The following REPS2 variants were observed in gnomAD, a reference collection of about 807,000 sequenced individuals.
The protein encoded by REPS2 is ralBP1-associated Eps domain-containing protein 2.
Under a neutral mutation model 53.6 loss-of-function variants are expected in REPS2, and 23 were observed. That is an observed-to-expected ratio of 0.43 (90% CI 0.31 to 0.61). REPS2 has a LOEUF of 0.61. REPS2 is among the 20% of genes least tolerant of loss of function. REPS2 has a pLI of 0.11. For missense variants in REPS2, 446 were observed against 534.9 expected (o/e 0.83, Z 1.64); for synonymous variants, 238 against 218.6 (o/e 1.09, Z -0.78).
At chrX:17,158,997 A>G in the REPS2 span, among the ~76,000 whole-genome samples, 3 of 112,536 alleles carry the variant, frequency 2.7e-5, no homozygotes, top group Non-Finnish European at 5.6e-5. Context: ...ACGGCTGGTT[A>G]TAGTGAGTTT....
At chrX:17,108,487 T>C (rs748708030) in intron 14 of REPS2, among the ~76,000 whole-genome samples, 1 of 111,727 alleles carries the variant, frequency 9.0e-6, no homozygotes, top group African/African-American at 3.3e-5. Context: ...GTGTTTATTC[T>C]GTAGGTCAGT....
Position 17,149,208 on chromosome X carries a change from T to G in REPS2, c.*1727T>G, listed in dbSNP as rs2063545535. The stretch of plus-strand genomic sequence containing the variant: ...GTGGGGGAAGGGTTGGGAGTAAGTT[T>G]AAACTCTTCCGAAGATTATGAATGG... On this transcript the variant is annotated 3_prime_UTR_variant, in exon 18 of 18. Transcript: ENST00000357277. 4.3e-6 allele frequency: 1 copy of G among 232,409 alleles called. No homozygotes were observed. Among genetic ancestry groups the G allele is most frequent in the Non-Finnish European group, 8.0e-6 (1 of 124,994 alleles). 19.2% of individuals were successfully genotyped at this position (232,409 alleles called of 1,213,427 possible). A position where few individuals can be genotyped will look rare whatever the true frequency, so the allele number is the denominator to read the frequency against.
chrX:17,125,780 G>T (rs921955370), intron 14 of REPS2, among the ~76,000 whole-genome samples: 1 of 112,921 alleles, frequency 8.9e-6, no homozygotes, highest in African/African-American at 3.2e-5. Context: ...GAGGGATTGT[G>T]TTGTGTGCCA....
chrX:17,116,001 C>G (rs939364604), intron 14 of REPS2, among the ~76,000 whole-genome samples: 62 of 111,117 alleles, frequency 5.6e-4, no homozygotes, highest in African/African-American at 1.9e-3. Context: ...GTTTTGATGG[C>G]GCTGCGATGG....
intron 14 of REPS2, among the ~76,000 whole-genome samples, chrX:17,109,283 C>G (rs933816116): frequency 1.8e-5 from 2 of 111,027 alleles, no homozygotes; most frequent in Non-Finnish European, 3.8e-5. Context: ...CGTGCTGAGG[C>G]CTGGAGCCCC....
chrX:17,023,322 GA>G (rs1470261234), intron 3 of REPS2, among the ~76,000 whole-genome samples: 62 of 110,606 alleles, frequency 5.6e-4, no homozygotes, highest in African/African-American at 1.9e-3. Context: ...CAGCTACTTG[GA>G]AGGCTGAGGC....
At chrX:17,087,992 G>A (rs746061042) in intron 13 of REPS2, among the ~76,000 whole-genome samples, 1 of 108,590 alleles carries the variant, frequency 9.2e-6, no homozygotes, top group South Asian at 4.0e-4. Context: ...AGATACATAA[G>A]ATAGATAGAT....
At chrX:16,953,904 C>T (rs1299334152) in intron 1 of REPS2, among the ~76,000 whole-genome samples, 1 of 111,593 alleles carries the variant, frequency 9.0e-6, no homozygotes, top group African/African-American at 3.3e-5. Flanking sequence ...CTTGAGCGTG[C>T]TAGGGGATGT....
chrX:17,036,229 G>A (rs1402549902), intron 5 of REPS2, among the ~76,000 whole-genome samples: 1 of 112,421 alleles, frequency 8.9e-6, no homozygotes, highest in Non-Finnish European at 1.9e-5. Flanking sequence ...CTGTTTTCTC[G>A]TACCTTTGTG....
the REPS2 span, among the ~76,000 whole-genome samples, chrX:17,163,217 C>T: frequency 0.15 from 16,903 of 110,613 alleles, 966 homozygotes; most frequent in Admixed American, 0.19. Flanking sequence ...TGAAAAGTAC[C>T]AGAGGGGAAA....
Position 17,098,558 on chromosome X carries a change from G to A in REPS2, c.1517-5160G>A, listed in dbSNP as rs184792779. On this transcript the variant is annotated intron_variant, in intron 13 of 17. Transcript: ENST00000357277. ...AGAACTGATGGATCTCATGACTCAA[G>A]ACAGAGCATTTTGGGTATCAGTTAC... is the stretch of plus-strand genomic sequence containing the variant. 9.0e-5 allele frequency among the ~76,000 whole-genome samples: 10 copies of A among 111,567 alleles called. No individual in the cohort carries two copies. The East Asian group carries it at 2.8e-3, about 31-fold the overall frequency.
At chrX:17,186,997 G>T in the REPS2 span, among the ~76,000 whole-genome samples, 1 of 111,398 alleles carries the variant, frequency 9.0e-6, no homozygotes, top group African/African-American at 3.3e-5. Context: ...CTACTCAGTT[G>T]ACAGGTGCAC....
rs1569083782 is a variant in REPS2, at chrX:16,951,552, CACA to C, written c.273+4419_273+4421del. Among the ~76,000 whole-genome samples the C allele has an allele frequency of 7.6e-4, 24 of 31,631 alleles. 1 individual carries two copies. The highest frequency in any genetic ancestry group is 2.2e-3 in the Admixed American group (5 of 2,257). The allele number at this position is 31,631 out of a possible 115,157, so 27.5% of individuals were successfully genotyped here. On this transcript the variant is annotated intron_variant, in intron 1 of 17. Transcript: ENST00000357277. ...ACACACACACACACACACACACACA[CACA>C]CACACCCCCGCTACCTACCTCTCTC... is the stretch of plus-strand genomic sequence containing the variant.
intron 1 of REPS2, among the ~76,000 whole-genome samples, chrX:16,974,035 C>T (rs921772259): frequency 5.4e-5 from 6 of 111,411 alleles, no homozygotes; most frequent in African/African-American, 1.3e-4. Flanking sequence ...AGTCAAGATA[C>T]GATTTTCCAG....
intron 8 of REPS2, among the ~76,000 whole-genome samples, chrX:17,056,464 C>T (rs374878730): frequency 5.4e-5 from 6 of 111,407 alleles, no homozygotes; most frequent in East Asian, 5.7e-4. Context: ...CCGAGGCGGG[C>T]GGATCATGAG....
intron 1 of REPS2, among the ~76,000 whole-genome samples, chrX:16,990,798 T>C (rs2061153897): frequency 9.0e-6 from 1 of 110,779 alleles, no homozygotes; most frequent in Non-Finnish European, 1.9e-5. Flanking sequence ...ACATAGGATC[T>C]CTGGGTATCA....
chrX:17,190,648 G>A, the REPS2 span, among the ~76,000 whole-genome samples: 6 of 112,007 alleles, frequency 5.4e-5, no homozygotes, highest in African/African-American at 1.9e-4. Context: ...ACATGGAAAA[G>A]GAAATGGACT....
At chrX:17,064,346 T>G (rs2062198739) in intron 9 of REPS2, among the ~76,000 whole-genome samples, 1 of 112,106 alleles carries the variant, frequency 8.9e-6, no homozygotes, top group South Asian at 3.7e-4. Flanking sequence ...TTCTTTCTAC[T>G]AGTCTTTTAA....
At chrX:17,143,274 T>A (rs2063470710) in intron 17 of REPS2, among the ~76,000 whole-genome samples, 2 of 112,226 alleles carry the variant, frequency 1.8e-5, no homozygotes, top group Non-Finnish European at 3.8e-5. Context: ...AGAAAAAAAT[T>A]GTTTTACCCT....
Sources: gnomAD v4.1 joint callset for allele counts (sites outside exome capture counted in the v4.1 genomes callset) on GRCh38, gnomAD v4.1.1 for gene constraint, MANE v1.5 for transcripts, NCBI Gene and HGNC (gene_info 2026-07-23, HGNC 2026-07-21) for gene names.